Variants in NELL2 observed in about 807,000 individuals in gnomAD.
NELL2 encodes the protein protein kinase C-binding protein NELL2.
Under a neutral mutation model 109.6 loss-of-function variants are expected in NELL2, and 41 were observed. The observed-to-expected ratio is 0.37, with a 90% CI of 0.29 to 0.49. The LOEUF is 0.49. Ranked by LOEUF, NELL2 falls within the 20% of genes least tolerant of loss-of-function variation. The pLI, the probability that NELL2 is intolerant of heterozygous loss-of-function variation, is 0.98. For missense variants in NELL2, 900 were observed against 1,008.3 expected, an observed-to-expected ratio of 0.89 and a Z score of 1.45; for synonymous variants, 355 against 344.7, an observed-to-expected ratio of 1.03 and a Z score of -0.33.
intron 13 of NELL2, among the ~76,000 whole-genome samples, chr12:44,613,948 A>G (rs771768338): frequency 2.2e-4 from 34 of 152,036 alleles, no homozygotes; most frequent in Non-Finnish European, 4.4e-4. Flanking sequence ...TCCAATATAT[A>G]GTAAGTAAAA....
chr12:44,521,959 T>A, intron 18 of NELL2, 41 bp downstream of exon 18: 1 of 1,603,370 alleles, frequency 6.2e-7, no homozygotes, highest in Non-Finnish European at 8.5e-7. Flanking sequence ...ATTTAGATTC[T>A]GGGCCTAAAT....
chr12:44,560,353 C>T lies in NELL2; in HGVS notation c.1664-27632G>A, dbSNP rs538205882. 3.3e-5 allele frequency among the ~76,000 whole-genome samples: 5 copies of T among 152,148 alleles called. 1 individual carries two copies. The highest frequency in any genetic ancestry group is 9.6e-5 in the African/African-American group (4 of 41,500). The stretch of plus-strand genomic sequence containing the variant: ...AGAGCAGAACAGAGGAAGATAGAGA[C>T]ATTAAAAACCTTTCAAAAAATGAAT... On this transcript the variant is annotated intron_variant, in intron 15 of 19. Transcript: ENST00000429094.
At chr12:44,542,217 A>G (rs1404115533) in intron 15 of NELL2, among the ~76,000 whole-genome samples, 6 of 152,074 alleles carry the variant, frequency 3.9e-5, no homozygotes, top group African/African-American at 1.4e-4. Flanking sequence ...TTTTTACAAT[A>G]CTTTCTTCAC....
intron 16 of NELL2, among the ~76,000 whole-genome samples, chr12:44,531,779 T>C (rs1484384642): frequency 7.2e-5 from 11 of 152,214 alleles, no homozygotes; most frequent in Non-Finnish European, 1.2e-4. Flanking sequence ...TCTATGAAGT[T>C]GTAAATGCAA....
intron 1 of NELL2, among the ~76,000 whole-genome samples, chr12:44,895,161 C>T (rs971144618): frequency 2.0e-5 from 3 of 152,144 alleles, no homozygotes; most frequent in African/African-American, 2.4e-5. Context: ...CTCCTTCAGA[C>T]TTTCCTTTCA....
intron 12 of NELL2, among the ~76,000 whole-genome samples, chr12:44,685,344 CT>C (rs1233510247): frequency 6.6e-6 from 1 of 152,034 alleles, no homozygotes; most frequent in Admixed American, 6.5e-5. Flanking sequence ...ATACAGCACA[CT>C]GATGGGTCTT....
chr12:44,738,295 T>C (rs1939759823), intron 9 of NELL2, among the ~76,000 whole-genome samples: 1 of 152,146 alleles, frequency 6.6e-6, no homozygotes, highest in African/African-American at 2.4e-5. Context: ...GCAATACCAC[T>C]TCTAGATATA....
Position 44,555,387 on chromosome 12 carries a change from A to G in NELL2, c.1664-22666T>C, listed in dbSNP as rs990225321. Among the ~76,000 whole-genome samples, 6 of 152,156 alleles carry G rather than the reference A, an allele frequency of 3.9e-5. No individual in the cohort carries two copies. In the East Asian group the frequency reaches 1.2e-3, roughly 29 times the overall value. On this transcript the variant is annotated intron_variant, in intron 15 of 19. Transcript: ENST00000429094. ...GCTCTCTTTTTGAGGTCATGCTCCT[A>G]GAGTAGGGAGTATTTCTTATGAGTC...
At chr12:44,594,677 A>T (rs1324011773) in intron 15 of NELL2, among the ~76,000 whole-genome samples, 1 of 152,230 alleles carries the variant, frequency 6.6e-6, no homozygotes, top group African/African-American at 2.4e-5. Context: ...AAGTCCTTGA[A>T]GATAAAGATC....
At position 44,773,037 on chromosome 12, in the gene NELL2, G is replaced by A. The variant is rs75303303; in HGVS notation, c.994+1710C>T. ...GTAACACAGGCAAATGGTAAGATGA[G>A]AATTGAAATTCACTTCTGACGAATC... On this transcript the variant is annotated intron_variant, in intron 9 of 19. Transcript: ENST00000429094. Among the ~76,000 whole-genome samples the A allele has an allele frequency of 9.5e-3, 1,440 of 152,244 alleles. 18 individuals carry two copies. The highest frequency in any genetic ancestry group is 0.032 in the African/African-American group (1,339 of 41,534).
At position 44,560,264 on chromosome 12, in the gene NELL2, A is replaced by G. The variant is rs551535341; in HGVS notation, c.1664-27543T>C. Among the ~76,000 whole-genome samples the G allele has an allele frequency of 5.3e-5, 8 of 152,348 alleles. No homozygotes were observed. In the South Asian group the frequency reaches 1.2e-3, roughly 24 times the overall value. ...TTAACACCCTAACATTACAATTAAA[A>G]GAACTAAAGAAGCAAGAGCAAACAA... On this transcript the variant is annotated intron_variant, in intron 15 of 19. Transcript: ENST00000429094.
At chr12:44,824,436 G>A (rs941207525) in intron 2 of NELL2, among the ~76,000 whole-genome samples, 1 of 152,142 alleles carries the variant, frequency 6.6e-6, no homozygotes, top group Admixed American at 6.5e-5. Context: ...TATGGTGTGA[G>A]ATAAGGGTCT....
intron 15 of NELL2, among the ~76,000 whole-genome samples, chr12:44,540,370 C>G (rs965550321): frequency 2.6e-5 from 4 of 151,882 alleles, no homozygotes; most frequent in Non-Finnish European, 5.9e-5. Context: ...ACAAAAGGAG[C>G]CAAAGATTAG....
intron 12 of NELL2, 140 bp from the exon 13 acceptor site, chr12:44,665,749 G>C: frequency 1.0e-6 from 1 of 990,616 alleles, no homozygotes; most frequent in East Asian, 2.6e-5. Context: ...TCCTTTGCTA[G>C]GAGTGTTTAA....
chr12:44,707,745 G>A (rs989235890), intron 11 of NELL2, among the ~76,000 whole-genome samples: 30 of 152,066 alleles, frequency 2.0e-4, no homozygotes, highest in African/African-American at 6.0e-4. Context: ...GGCTACCACC[G>A]CTTAGGAATA....
chr12:44,587,965 C>A (rs1339144416), intron 15 of NELL2, among the ~76,000 whole-genome samples: 1 of 152,064 alleles, frequency 6.6e-6, no homozygotes, highest in Admixed American at 6.6e-5. Context: ...TCCTGGCTAA[C>A]ATGGTGAAAC....
At chr12:44,690,544 A>G (rs1948866796) in intron 12 of NELL2, among the ~76,000 whole-genome samples, 1 of 152,042 alleles carries the variant, frequency 6.6e-6, no homozygotes, top group African/African-American at 2.4e-5. Context: ...AGGTCTTGAA[A>G]AAAAAAAAAC....
At chr12:44,535,942 C>A (rs1332028700) in intron 15 of NELL2, among the ~76,000 whole-genome samples, 1 of 151,810 alleles carries the variant, frequency 6.6e-6, no homozygotes, top group African/African-American at 2.4e-5. Context: ...ATACCTATGT[C>A]ACAGATCAAG....
chr12:44,525,100 T>C (rs750204260), intron 16 of NELL2, among the ~76,000 whole-genome samples: 10 of 152,218 alleles, frequency 6.6e-5, no homozygotes, highest in Non-Finnish European at 1.2e-4. Flanking sequence ...ACAGACATCC[T>C]TACTACATAG....
Sources: gnomAD v4.1 joint callset for allele counts (sites outside exome capture counted in the v4.1 genomes callset) on GRCh38, gnomAD v4.1.1 for gene constraint, MANE v1.5 for transcripts, NCBI Gene and HGNC (gene_info 2026-07-23, HGNC 2026-07-21) for gene names.